SLC25A21: variants seen among roughly 807,000 people sequenced by gnomAD.
SLC25A21 encodes solute carrier family 25 member 21, also known as mitochondrial 2-oxodicarboxylate carrier.
SLC25A21 carries 47 observed loss-of-function variants against 43.8 expected under a neutral mutation model. The observed-to-expected ratio is 1.07, with a 90% CI of 0.85 to 1.37. The LOEUF (loss-of-function observed/expected upper bound fraction) is 1.37. Ranked by LOEUF, SLC25A21 falls within the 40% of genes most tolerant of loss-of-function variation. The pLI is 0.00. For missense variants in SLC25A21, 352 were observed against 350.2 expected (o/e 1.00, Z -0.04); for synonymous variants, 131 against 121.3 (o/e 1.08, Z -0.52).
At chr14:36,711,698 G>A (rs969169715) in intron 6 of SLC25A21, among the ~76,000 whole-genome samples, 6 of 152,116 alleles carry the variant, frequency 3.9e-5, no homozygotes, top group Non-Finnish European at 8.8e-5. Flanking sequence ...AAGATTGTTG[G>A]CAAAGAACAA....
intron 1 of SLC25A21, among the ~76,000 whole-genome samples, chr14:36,913,528 A>C (rs1891746567): frequency 6.6e-6 from 1 of 152,148 alleles, no homozygotes; most frequent in African/African-American, 2.4e-5. Context: ...TTCCTGCCTC[A>C]GCCTCCCAGA....
Position 36,679,829 on chromosome 14 carries a change from T to C in SLC25A21, c.*829A>G. 1.0e-6 allele frequency: 1 copy of C among 985,042 alleles called. No individual in the cohort carries two copies. The highest frequency in any genetic ancestry group is 1.2e-6 in the Non-Finnish European group (1 of 829,570). 61.0% of individuals were successfully genotyped at this position (985,042 alleles called of 1,614,324 possible). A position where few individuals can be genotyped will look rare whatever the true frequency, so the allele number is the denominator to read the frequency against. The stretch of plus-strand genomic sequence containing the variant: ...GGTGTTTCCAATTTGTGATTTAACA[T>C]GACAATATCTCATCAACAAAACTTA... On this transcript the variant is annotated 3_prime_UTR_variant, in exon 10 of 10. Transcript: ENST00000331299.
At chr14:37,069,058 T>A (rs1016136821) in intron 1 of SLC25A21, among the ~76,000 whole-genome samples, 1 of 152,110 alleles carries the variant, frequency 6.6e-6, no homozygotes, top group African/African-American at 2.4e-5. Flanking sequence ...GAGCCTGTAG[T>A]TCCAGCTACT....
chr14:37,061,213 G>A (rs1432648051), intron 1 of SLC25A21, among the ~76,000 whole-genome samples: 2 of 152,070 alleles, frequency 1.3e-5, no homozygotes, highest in East Asian at 1.9e-4. Context: ...AGCCCCCCTT[G>A]TCTGCCAAGC....
intron 1 of SLC25A21, among the ~76,000 whole-genome samples, chr14:37,145,155 T>C (rs1963640522): frequency 6.6e-6 from 1 of 152,160 alleles, no homozygotes; most frequent in Non-Finnish European, 1.5e-5. Flanking sequence ...CACAGAGATG[T>C]TAAGCTGCCT....
chr14:36,701,040 T>C (rs988207408), intron 7 of SLC25A21, among the ~76,000 whole-genome samples: 8 of 152,170 alleles, frequency 5.3e-5, no homozygotes, highest in Non-Finnish European at 4.4e-5. Context: ...TTAGTTCTAA[T>C]AGGTCCAAGT....
rs567906092 is a variant in SLC25A21, at chr14:36,800,263, T to A, written c.203+13655A>T. ...GAAAGCAGAGACTTCAACAGATATT[T>A]GTCCACCAGTGTTCATAGCAGCATT... On this transcript the variant is annotated intron_variant, in intron 3 of 9. Coordinates refer to ENST00000331299, the MANE Select transcript of SLC25A21 (RefSeq NM_030631.4). 7.2e-5 allele frequency among the ~76,000 whole-genome samples: 11 copies of A among 152,302 alleles called. No homozygotes were observed. In the South Asian group the frequency reaches 1.9e-3, roughly 26 times the overall value.
At chr14:37,151,766 T>C (rs1256718813) in intron 1 of SLC25A21, among the ~76,000 whole-genome samples, 6 of 152,160 alleles carry the variant, frequency 3.9e-5, no homozygotes, top group Non-Finnish European at 5.9e-5. Context: ...AATTACAAAT[T>C]GGCTCATGCC....
chr14:37,085,967 T>C (rs933883630), intron 1 of SLC25A21, among the ~76,000 whole-genome samples: 23 of 152,090 alleles, frequency 1.5e-4, no homozygotes, highest in African/African-American at 5.5e-4. Flanking sequence ...TAGCCGGGCG[T>C]GGTGGCGGGC....
At chr14:36,984,033 T>C (rs900653570) in intron 1 of SLC25A21, among the ~76,000 whole-genome samples, 52 of 152,282 alleles carry the variant, frequency 3.4e-4, no homozygotes, top group African/African-American at 1.1e-3. Context: ...TTGGGTATAA[T>C]ATTCACTATT....
In SLC25A21 at chr14:36,804,134, A is replaced by T. The variant is rs544293062; in HGVS notation, c.203+9784T>A. On this transcript the variant is annotated intron_variant, in intron 3 of 9. Coordinates refer to ENST00000331299, the MANE Select transcript of SLC25A21 (RefSeq NM_030631.4). ...TTCTTTGAGTATTGATATCAAGATC[A>T]ATTTTTCTGGGGATCCCACTAAACC... is the stretch of plus-strand genomic sequence containing the variant. Among the ~76,000 whole-genome samples, 9 of 152,286 alleles carry T rather than the reference A, an allele frequency of 5.9e-5. No homozygotes were observed. The South Asian group carries it at 1.9e-3, about 32-fold the overall frequency.
At chr14:37,170,931 T>TA (rs34386931) in intron 1 of SLC25A21, among the ~76,000 whole-genome samples, 136,416 of 144,766 alleles carry the variant, frequency 0.94, 64,723 homozygotes, top group East Asian at 1. Context: ...CAAAAAAAAT[T>TA]AAAAAAAAAA....
At chr14:36,957,685 T>C (rs1296298350) in intron 1 of SLC25A21, among the ~76,000 whole-genome samples, 1 of 152,232 alleles carries the variant, frequency 6.6e-6, no homozygotes, top group Non-Finnish European at 1.5e-5. Context: ...GGATTTCAAA[T>C]GCAGCCGCTG....
In SLC25A21 at chr14:36,678,234, A is replaced by T; in HGVS notation, c.*2424T>A. 3 of 525,876 alleles carry T rather than the reference A, an allele frequency of 5.7e-6. No individual in the cohort carries two copies. Among genetic ancestry groups the T allele is most frequent in the Non-Finnish European group, 1.0e-5 (3 of 294,516 alleles). The allele number at this position is 525,876 out of a possible 1,614,324, so 32.6% of individuals were successfully genotyped here. On this transcript the variant is annotated 3_prime_UTR_variant, in exon 10 of 10. Coordinates refer to ENST00000331299, the MANE Select transcript of SLC25A21 (RefSeq NM_030631.4). ...GATGGCTAGATTAGTTAGGTTTTCA[A>T]ATCACTAGGATGTAAACAGTAAGCA...
chr14:36,921,605 TTCAATAAAATTCAAA>T (rs1203551275), intron 1 of SLC25A21, among the ~76,000 whole-genome samples: 1 of 152,166 alleles, frequency 6.6e-6, no homozygotes, highest in African/African-American at 2.4e-5. Flanking sequence ...ATGATTCCAT[TTCAATAAAATTCAAA>T]AGACAGCAAA....
At chr14:37,098,991 C>T (rs1007586157) in intron 1 of SLC25A21, among the ~76,000 whole-genome samples, 9 of 151,732 alleles carry the variant, frequency 5.9e-5, no homozygotes, top group African/African-American at 9.7e-5. Context: ...TTAGTAGAGA[C>T]GGGGTTTCAC....
chr14:36,753,882 T>C (rs534505994), intron 3 of SLC25A21, among the ~76,000 whole-genome samples: 3,556 of 150,318 alleles, frequency 0.024, 145 homozygotes, highest in African/African-American at 0.082. Context: ...ACATTCAGGG[T>C]TTCCATACAA....
At chr14:36,712,741 C>T (rs1239188329) in intron 6 of SLC25A21, among the ~76,000 whole-genome samples, 2 of 152,102 alleles carry the variant, frequency 1.3e-5, no homozygotes, top group Non-Finnish European at 2.9e-5. Context: ...TATGAAAAAA[C>T]CATGGTAGAA....
chr14:36,783,639 C>T (rs1362036992), intron 3 of SLC25A21, among the ~76,000 whole-genome samples: 2 of 152,154 alleles, frequency 1.3e-5, no homozygotes, highest in East Asian at 1.9e-4. Context: ...TGAGCTGTGC[C>T]ACCTTGGGAA....
Sources: gnomAD v4.1 joint callset for allele counts (sites outside exome capture counted in the v4.1 genomes callset) on GRCh38, gnomAD v4.1.1 for gene constraint, MANE v1.5 for transcripts, NCBI Gene and HGNC (gene_info 2026-07-23, HGNC 2026-07-21) for gene names.